Variants in DLGAP5 observed in about 807,000 individuals in gnomAD.
DLGAP5 encodes the protein disks large-associated protein 5.
A neutral mutation model predicts 99.6 loss-of-function variants in DLGAP5; 90 were observed. That is an observed-to-expected ratio of 0.90 (90% CI 0.76 to 1.08). The LOEUF (loss-of-function observed/expected upper bound fraction) is 1.08, where lower values mean the gene tolerates loss of function less well. Among genes scored for constraint, DLGAP5 ranks in the 50% least tolerant of loss-of-function variants. The pLI, the probability that DLGAP5 is intolerant of heterozygous loss-of-function variation, is 0.00. For missense variants in DLGAP5, 1,036 were observed against 983.5 expected (o/e 1.05, Z -0.71); for synonymous variants, 311 against 321.3 (o/e 0.97, Z 0.34).
intron 4 of DLGAP5, 92 bp downstream of exon 4, chr14:55,182,278 T>C: frequency 9.4e-7 from 1 of 1,069,134 alleles, no homozygotes; most frequent in East Asian, 2.5e-5. Flanking sequence ...TTAATCATTA[T>C]GTTTGAATCT....
intron 2 of DLGAP5, among the ~76,000 whole-genome samples, chr14:55,185,203 T>C (rs1020163473): frequency 2.0e-5 from 3 of 151,768 alleles, no homozygotes; most frequent in African/African-American, 7.3e-5. Context: ...AACACTTTTA[T>C]TTATTTATTT....
At chr14:55,162,882 T>C (rs554722961) in intron 13 of DLGAP5, 89 bp downstream of exon 13, 1 of 539,776 alleles carries the variant, frequency 1.9e-6, no homozygotes, top group East Asian at 3.2e-5. Context: ...AAACAAGAAG[T>C]AGAAGAATCT....
At chr14:55,179,858 A>G (rs1198892508) in intron 6 of DLGAP5, among the ~76,000 whole-genome samples, 159 bp from the exon 7 acceptor site, 1 of 152,204 alleles carries the variant, frequency 6.6e-6, no homozygotes, top group Non-Finnish European at 1.5e-5. Context: ...ATTTCCTGCC[A>G]AATACAAACC....
intron 12 of DLGAP5, among the ~76,000 whole-genome samples, chr14:55,165,656 G>A (rs1421397166): frequency 6.6e-6 from 1 of 152,178 alleles, no homozygotes; most frequent in Admixed American, 6.5e-5. Context: ...CTGAAATGCA[G>A]ATAGTACTGA....
At chr14:55,172,981 CAAAAAAAA>C (rs71291818) in intron 10 of DLGAP5, among the ~76,000 whole-genome samples, 882 of 62,130 alleles carry the variant, frequency 0.014, 13 homozygotes, top group African/African-American at 0.05. Context: ...GACTCCGTCT[CAAAAAAAA>C]AAAAAAAAAA....
At chr14:55,183,965 CA>C (rs765591359) in intron 2 of DLGAP5, among the ~76,000 whole-genome samples, 6 of 152,084 alleles carry the variant, frequency 3.9e-5, no homozygotes, top group Non-Finnish European at 7.3e-5. Context: ...CCAGCCTGGC[CA>C]ACGTGGTGAA....
At chr14:55,163,211 CAATTT>C (rs1402616473) in intron 12 of DLGAP5, 136 bp from the exon 13 acceptor site, 1 of 436,466 alleles carries the variant, frequency 2.3e-6, no homozygotes, top group African/African-American at 2.0e-5. Context: ...GAGTCATTCT[CAATTT>C]AGTGTTCAAA....
At chr14:55,159,853 C>CA (rs1328871105) in intron 13 of DLGAP5, among the ~76,000 whole-genome samples, 1 of 152,014 alleles carries the variant, frequency 6.6e-6, no homozygotes, top group Non-Finnish European at 1.5e-5. Flanking sequence ...AAATGGAAAA[C>CA]AAATATGCAA....
intron 15 of DLGAP5, among the ~76,000 whole-genome samples, chr14:55,152,946 T>A (rs1378291196): frequency 6.6e-6 from 1 of 152,152 alleles, no homozygotes; most frequent in African/African-American, 2.4e-5. Context: ...CAGAGCTATA[T>A]ATTAAAGAAA....
intron 10 of DLGAP5, among the ~76,000 whole-genome samples, chr14:55,172,345 A>G (rs1163668276): frequency 6.6e-6 from 1 of 151,880 alleles, no homozygotes; most frequent in Admixed American, 6.6e-5. Flanking sequence ...AAATACAAAA[A>G]AAAAAAAAAG....
rs1266412490 is a variant in DLGAP5, at chr14:55,183,610, G to A, written c.382C>T (p.Pro128Ser). 1 of 1,596,302 alleles carries A rather than the reference G, an allele frequency of 6.3e-7. No individual in the cohort carries two copies. The highest frequency in any genetic ancestry group is 1.1e-5 in the South Asian group (1 of 87,146). Residue 128 changes from proline to serine, a missense_variant, in exon 3 of 19, where the codon CCT (proline) becomes TCT (serine). Pro to Ser is a moderately conservative substitution (Grantham distance 74, BLOSUM62 -1). Coordinates refer to ENST00000247191, the MANE Select transcript of DLGAP5 (RefSeq NM_014750.5). ...TTCTGGTTTGATAAAAGAAAACAAG[G>A]CATATCAGGTCTATAACGACCCACT... The part of the protein sequence containing the change: ...FKVGRYRPDM[P>S]CFLLSNQNAV...
chr14:55,164,180 T>C (rs569654918), intron 12 of DLGAP5, among the ~76,000 whole-genome samples: 86 of 152,080 alleles, frequency 5.7e-4, no homozygotes, highest in Non-Finnish European at 9.4e-4. Flanking sequence ...CTCAAAAATA[T>C]GTAAATGTCT....
At chr14:55,180,920 C>T (rs537755740) in intron 5 of DLGAP5, 142 bp from the exon 6 acceptor site, 1 of 1,033,180 alleles carries the variant, frequency 9.7e-7, no homozygotes, top group East Asian at 2.5e-5. Context: ...AGTTCGAAAC[C>T]AGCCTAGGCA....
In DLGAP5 at chr14:55,189,180, C is replaced by T. The variant is rs1361918969; in HGVS notation, c.-1G>A. On this transcript the variant is annotated splice_region_variant and 5_prime_UTR_variant, in exon 2 of 19. Transcript: ENST00000247191. ...GACTGGCAAAATGTGATGAAGACAT[C>T]CTGTCAAGGAAAAGGACAAAACCCA... 9 of 1,609,894 alleles carry T rather than the reference C, an allele frequency of 5.6e-6. No individual in the cohort carries two copies. The highest frequency in any genetic ancestry group is 7.6e-6 in the Non-Finnish European group (9 of 1,177,762).
intron 13 of DLGAP5, among the ~76,000 whole-genome samples, chr14:55,159,078 T>G (rs1013086619): frequency 3.4e-5 from 4 of 116,906 alleles, no homozygotes; most frequent in South Asian, 2.8e-4. Context: ...GCAAAAAAAG[T>G]AAATAAAAAA....
intron 13 of DLGAP5, among the ~76,000 whole-genome samples, chr14:55,161,933 A>G (rs1882457479): frequency 6.6e-6 from 1 of 151,312 alleles, no homozygotes; most frequent in Non-Finnish European, 1.5e-5. Context: ...AAAAAACAAT[A>G]CTTTAACAAG....
At position 55,154,655 on chromosome 14, in the gene DLGAP5, A is replaced by C. The variant is rs780425303; in HGVS notation, c.2025T>G (p.His675Gln). 6.2e-7 allele frequency: 1 copy of C among 1,614,122 alleles called. No individual in the cohort carries two copies. The highest frequency in any genetic ancestry group is 8.5e-7 in the Non-Finnish European group (1 of 1,180,000). ...NAGPQNTKSE[H>Q]VKKTLFLSIP... ...TACTCAAAAACAAAGTCTTCTTCACATGTTCACTTTTCGTATTCTGAGGAC... is the reference window on the plus strand; with the variant it reads ...TACTCAAAAACAAAGTCTTCTTCACCTGTTCACTTTTCGTATTCTGAGGAC... Residue 675 changes from histidine (H) to glutamine (Q), a missense_variant, in exon 15 of 19, where the codon CAT becomes CAG. Physicochemically the swap from His to Gln is conservative, Grantham distance 24. Coordinates refer to ENST00000247191, the MANE Select transcript of DLGAP5 (RefSeq NM_014750.5).
chr14:55,183,582 G>A lies in DLGAP5; in HGVS notation c.410C>T (p.Ala137Val). Residue 137 changes from alanine (A) to valine (V), a missense_variant, in exon 3 of 19, where the codon GCT (alanine) becomes GTT (valine). Transcript: ENST00000247191. ...MPCFLLSNQN[A>V]VKAEPKKAIP... ...TACCTTTTTTGGCTCAGCTTTCACA[G>A]CATTCTGGTTTGATAAAAGAAAACA... The A allele has an allele frequency of 6.4e-7, 1 of 1,563,180 alleles. No homozygotes were observed. The highest frequency in any genetic ancestry group is 1.7e-4 in the Middle Eastern group (1 of 5,834).
chr14:55,178,994 C>T (rs1883182377), intron 7 of DLGAP5, among the ~76,000 whole-genome samples: 1 of 152,042 alleles, frequency 6.6e-6, no homozygotes, highest in Non-Finnish European at 1.5e-5. Flanking sequence ...GTGCAGTGAG[C>T]CAAGATCGCG....
Sources: gnomAD v4.1 joint callset for allele counts (sites outside exome capture counted in the v4.1 genomes callset) on GRCh38, gnomAD v4.1.1 for gene constraint, MANE v1.5 for transcripts, NCBI Gene and HGNC (gene_info 2026-07-23, HGNC 2026-07-21) for gene names.